The following PCDHGB6 variants were observed in gnomAD, a reference collection of about 807,000 sequenced individuals.
PCDHGB6 encodes the protein protocadherin gamma subfamily B, 6, also known as protocadherin gamma-B6.
PCDHGB6 carries 51 observed loss-of-function variants against 59.1 expected under a neutral mutation model. The ratio of observed to expected loss-of-function variants is 0.86; its 90% confidence interval spans 0.69 to 1.09. PCDHGB6 has a LOEUF of 1.09. PCDHGB6 is among the 50% of genes least tolerant of loss of function. The probability of loss-of-function intolerance (pLI) is 0.00; values close to 1 mark genes in which losing one functional copy is unlikely to be tolerated. For missense variants in PCDHGB6, 1,148 were observed against 1,205.1 expected (o/e 0.95, Z 0.70); for synonymous variants, 466 against 495.1 (o/e 0.94, Z 0.78).
chr5:141,431,178 TAA>T lies in PCDHGB6; in HGVS notation c.2418+20562_2418+20563del. On this transcript the variant is annotated intron_variant, in intron 1 of 3. Transcript: ENST00000520790. This position sits in a 1 kb window ranked among gnomAD's most constrained non-coding sequence, Gnocchi z 4.8. ...TACTTTCGTGAAAGTGAATTAGAAA[TAA>T]AAATTAGTGAAAATGCAGCCACTGA... is the stretch of plus-strand genomic sequence containing the variant. 1 of 1,614,078 alleles carries T rather than the reference TAA, an allele frequency of 6.2e-7. No homozygotes were observed. Among genetic ancestry groups the T allele is most frequent in the Non-Finnish European group, 8.5e-7 (1 of 1,180,000 alleles).
chr5:141,492,005 C>T (rs1444993907), intron 1 of PCDHGB6: 2 of 642,268 alleles, frequency 3.1e-6, no homozygotes, highest in Admixed American at 7.4e-5. Flanking sequence ...GGGCGATTTC[C>T]GCGGGTGTCG....
chr5:141,419,203 C>T (rs201698529), intron 1 of PCDHGB6: 140 of 1,613,988 alleles, frequency 8.7e-5, no homozygotes, highest in Non-Finnish European at 1.2e-4. Flanking sequence ...TCAATGACAA[C>T]GCGCCGGTTT....
Position 141,512,423 on chromosome 5 carries a change from T to C in PCDHGB6, c.*1250T>C, listed in dbSNP as rs2099884220. ...GATGGGGCTTCTTCAACAGGGCCCC[T>C]GCCCTCCTGAAGCCTCAGTCCTTCA... is the stretch of plus-strand genomic sequence containing the variant. On this transcript the variant is annotated 3_prime_UTR_variant, in exon 4 of 4. Transcript: ENST00000520790. 1 of 152,754 alleles carries C rather than the reference T, an allele frequency of 6.5e-6. No individual in the cohort carries two copies. The highest frequency in any genetic ancestry group is 6.5e-5 in the Admixed American group (1 of 15,274). The allele number at this position is 152,754 out of a possible 1,614,324, so 9.5% of individuals were successfully genotyped here.
intron 2 of PCDHGB6, among the ~76,000 whole-genome samples, chr5:141,498,828 G>C (rs2099786098): frequency 6.6e-6 from 1 of 152,092 alleles, no homozygotes; most frequent in Non-Finnish European, 1.5e-5. Flanking sequence ...AGCTACTCAG[G>C]AGGCTGAGGC....
chr5:141,488,186 G>T (rs1005725656), intron 1 of PCDHGB6, among the ~76,000 whole-genome samples: 2 of 152,180 alleles, frequency 1.3e-5, no homozygotes, highest in South Asian at 2.1e-4. Context: ...AGATCTTTTG[G>T]TCTGGGTCTT....
At position 141,490,341 on chromosome 5, in the gene PCDHGB6, A is replaced by C. The variant is rs778299384; in HGVS notation, c.2419-4466A>C. ...TCCTAGAGAGCACACCAGTGGGCACAGTAGTGGGGTTGTTTAATGTGCGAG... is the reference window on the plus strand; with the variant it reads ...TCCTAGAGAGCACACCAGTGGGCACCGTAGTGGGGTTGTTTAATGTGCGAG... On this transcript the variant is annotated intron_variant, in intron 1 of 3. Coordinates refer to ENST00000520790, the MANE Select transcript of PCDHGB6 (RefSeq NM_018926.3). This position sits in a 1 kb window ranked among gnomAD's most constrained non-coding sequence, Gnocchi z 5.4. The C allele has an allele frequency of 5.0e-6, 8 of 1,614,204 alleles. No homozygotes were observed. The South Asian group carries it at 8.8e-5, about 18-fold the overall frequency.
At position 141,500,184 on chromosome 5, in the gene PCDHGB6, TTTTATTTATTTATTTA is replaced by T. The variant is rs58019021; in HGVS notation, c.2478-5182_2478-5167del. Among the ~76,000 whole-genome samples the T allele has an allele frequency of 2.1e-3, 289 of 135,964 alleles. 1 individual carries two copies. Among genetic ancestry groups the T allele is most frequent in the Middle Eastern group, 0.016 (4 of 248 alleles). The allele number at this position is 135,964 out of a possible 152,430, so 89.2% of individuals were successfully genotyped here. A position where few individuals can be genotyped will look rare whatever the true frequency, so the allele number is the denominator to read the frequency against. On this transcript the variant is annotated intron_variant, in intron 2 of 3. Coordinates refer to ENST00000520790, the MANE Select transcript of PCDHGB6 (RefSeq NM_018926.3). ...GAACATGCATGAGCTTCATTTTTAT[TTTTATTTATTTATTTA>T]TTTATTTATTTATTTATTTATTTAT...
chr5:141,478,903 C>T lies in PCDHGB6; in HGVS notation c.2419-15904C>T. On this transcript the variant is annotated intron_variant, in intron 1 of 3. Transcript: ENST00000520790. Reference sequence around the variant, plus strand: ...TGGTATCATTTACATTAGGAATAAGCTGCTGGATACCTCTAACCAGTGGCA... The same window carrying T: ...TGGTATCATTTACATTAGGAATAAGTTGCTGGATACCTCTAACCAGTGGCA... 4.2e-6 allele frequency: 4 copies of T among 957,824 alleles called. No homozygotes were observed. The South Asian group carries it at 7.3e-5, about 18-fold the overall frequency. 59.3% of individuals were successfully genotyped at this position (957,824 alleles called of 1,614,324 possible). A position where few individuals can be genotyped will look rare whatever the true frequency, so the allele number is the denominator to read the frequency against.
intron 3 of PCDHGB6, chr5:141,508,127 G>A (rs1220643878): frequency 6.6e-6 from 1 of 152,628 alleles, no homozygotes; most frequent in Non-Finnish European, 1.5e-5. Context: ...ACAGAGGGAG[G>A]TCAGGGAGCT....
intron 1 of PCDHGB6, chr5:141,411,968 T>C (rs1257112227): frequency 6.6e-6 from 1 of 152,260 alleles, no homozygotes; most frequent in Non-Finnish European, 1.5e-5. Flanking sequence ...GATAAAATCT[T>C]TGAAGAGTTC....
At chr5:141,465,978 C>T (rs568961720) in intron 1 of PCDHGB6, among the ~76,000 whole-genome samples, 7 of 151,998 alleles carry the variant, frequency 4.6e-5, no homozygotes, top group South Asian at 2.1e-4. Context: ...AAAAATTAGC[C>T]GGGCATGGTG....
chr5:141,478,040 C>G (rs773058963), intron 1 of PCDHGB6: 1 of 1,614,160 alleles, frequency 6.2e-7, no homozygotes, highest in Non-Finnish European at 8.5e-7. Context: ...TTCACCCAGG[C>G]AGACTCTCAC....
intron 1 of PCDHGB6, among the ~76,000 whole-genome samples, chr5:141,444,253 C>T (rs2154560603): frequency 7.0e-6 from 1 of 142,690 alleles, no homozygotes; most frequent in South Asian, 2.3e-4. Flanking sequence ...CTCACTGCAA[C>T]CTCCGCCTCC....
intron 1 of PCDHGB6, chr5:141,421,396 C>T: frequency 2.5e-6 from 4 of 1,614,036 alleles, no homozygotes; most frequent in South Asian, 1.1e-5. Context: ...GGGGCTGGAG[C>T]CCCGGGAGCT....
rs951502238 is a variant in PCDHGB6 at position 141,478,263 on chromosome 5, A to G, written c.2419-16544A>G. ...ACAGTGTTCGGAGTAATCATATTCA[A>G]AGTTTACAAGTGGAAGCAGTCTAGA... On this transcript the variant is annotated intron_variant, in intron 1 of 3. Coordinates refer to ENST00000520790, the MANE Select transcript of PCDHGB6 (RefSeq NM_018926.3). The G allele has an allele frequency of 2.5e-6, 4 of 1,614,046 alleles. No individual in the cohort carries two copies. The African/African-American group carries it at 5.3e-5, about 22-fold the overall frequency.
chr5:141,446,222 G>C (rs74509878), intron 1 of PCDHGB6, among the ~76,000 whole-genome samples: 7,034 of 152,204 alleles, frequency 0.046, 244 homozygotes, highest in African/African-American at 0.093. Flanking sequence ...ATATTGTTGT[G>C]TTGCCTGGCA....
chr5:141,423,364 C>G (rs1299667864), intron 1 of PCDHGB6: 2 of 1,614,102 alleles, frequency 1.2e-6, no homozygotes, highest in East Asian at 4.5e-5. Flanking sequence ...CATCGTGCTG[C>G]TGGCACTCAG....
chr5:141,421,524 G>A (rs375937711), intron 1 of PCDHGB6: 25 of 1,613,940 alleles, frequency 1.5e-5, no homozygotes, highest in Admixed American at 5.0e-5. Context: ...TCTGTGAGAC[G>A]GTGTCCTCCT....
At chr5:141,464,418 T>C (rs1244881278) in intron 1 of PCDHGB6, among the ~76,000 whole-genome samples, 2 of 151,652 alleles carry the variant, frequency 1.3e-5, no homozygotes, top group Non-Finnish European at 2.9e-5. Flanking sequence ...TATATATCTA[T>C]ATATATAGAT....
Sources: gnomAD v4.1 joint callset for allele counts (sites outside exome capture counted in the v4.1 genomes callset) on GRCh38, gnomAD v4.1.1 for gene constraint, Gnocchi (gnomAD v3.1) non-coding constraint, MANE v1.5 for transcripts, NCBI Gene and HGNC (gene_info 2026-07-23, HGNC 2026-07-21) for gene names.